STK38L: variants seen among roughly 807,000 people sequenced by gnomAD.
STK38L encodes serine/threonine-protein kinase 38-like.
STK38L carries 28 observed loss-of-function variants against 59.7 expected under a neutral mutation model. The observed-to-expected ratio is 0.47, with a 90% CI of 0.35 to 0.64. STK38L has a LOEUF of 0.64. STK38L is among the 30% of genes least tolerant of loss of function. The pLI, the probability that STK38L is intolerant of heterozygous loss-of-function variation, is 0.01. For synonymous variants in STK38L, 162 were observed against 176.8 expected, an observed-to-expected ratio of 0.92 and a Z score of 0.66; for missense variants, 314 against 555.8, an observed-to-expected ratio of 0.56 and a Z score of 4.37.
chr12:27,259,029 G>C (rs1943148127), intron 1 of STK38L, among the ~76,000 whole-genome samples: 1 of 152,164 alleles, frequency 6.6e-6, no homozygotes, highest in African/African-American at 2.4e-5. Context: ...GCATCACATA[G>C]ATTTGTCTTA....
chr12:27,318,113 A>AGTAT, intron 11 of STK38L, 94 bp downstream of exon 11: 1 of 1,435,740 alleles, frequency 7.0e-7, no homozygotes, highest in Non-Finnish European at 9.6e-7. Context: ...AAGAGGGGAT[A>AGTAT]CCACTGATGT....
intron 1 of STK38L, among the ~76,000 whole-genome samples, chr12:27,287,271 A>C (rs1565537972): frequency 1.3e-5 from 2 of 151,396 alleles, no homozygotes; most frequent in Non-Finnish European, 2.9e-5. Flanking sequence ...TGCCTGGCTA[A>C]TTTTTTTTGT....
At chr12:27,311,972 C>T (rs1280695922) in intron 5 of STK38L, among the ~76,000 whole-genome samples, 26 of 152,022 alleles carry the variant, frequency 1.7e-4, no homozygotes, top group East Asian at 1.9e-4. Flanking sequence ...CTCCGCCTCC[C>T]GGGTTCAAGC....
At position 27,302,145 on chromosome 12, in the gene STK38L, A is replaced by C; in HGVS notation, c.143A>C (p.Lys48Thr). Reference sequence around the variant, plus strand: ...TTTTTTCCTTTGAAAAGGCAGAAGAAATTAGAAGTGGCCATGGAAGAAGAA... The same window carrying C: ...TTTTTTCCTTTGAAAAGGCAGAAGACATTAGAAGTGGCCATGGAAGAAGAA... ...QHEERETRQKKLEVAMEEEGL... is the reference protein window; with the variant it reads ...QHEERETRQKTLEVAMEEEGL... The change falls in exon 3 of 14, where the codon AAA becomes ACA. Residue 48 changes from lysine to threonine, a missense_variant. By Grantham distance (78) the Lys-to-Thr change is moderately conservative. Coordinates refer to ENST00000389032, the MANE Select transcript of STK38L (RefSeq NM_015000.4). The C allele has an allele frequency of 1.2e-6, 2 of 1,606,300 alleles. No individual in the cohort carries two copies. Among genetic ancestry groups the C allele is most frequent in the Non-Finnish European group, 1.7e-6 (2 of 1,176,418 alleles).
At chr12:27,250,727 G>A (rs1183150693) in intron 1 of STK38L, among the ~76,000 whole-genome samples, 5 of 152,106 alleles carry the variant, frequency 3.3e-5, no homozygotes, top group Non-Finnish European at 2.9e-5. Context: ...CAGGCCGGGC[G>A]CGGTGACTCA....
chr12:27,265,739 T>TG (rs1175269868), intron 1 of STK38L, among the ~76,000 whole-genome samples: 1 of 152,240 alleles, frequency 6.6e-6, no homozygotes, highest in Non-Finnish European at 1.5e-5. Context: ...TGGCCATGTA[T>TG]GACCATAAAC....
intron 1 of STK38L, among the ~76,000 whole-genome samples, chr12:27,283,112 A>G (rs4451811): frequency 0.85 from 130,019 of 152,208 alleles, 55,738 homozygotes; most frequent in Non-Finnish European, 0.89. Flanking sequence ...TTCTTAAAAA[A>G]GATGAAGTAG....
At chr12:27,246,399 G>A (rs1015682651) in intron 1 of STK38L, among the ~76,000 whole-genome samples, 5 of 152,156 alleles carry the variant, frequency 3.3e-5, no homozygotes, top group African/African-American at 7.2e-5. Context: ...TTTGCATCTC[G>A]ATGTATTGTT....
intron 5 of STK38L, among the ~76,000 whole-genome samples, chr12:27,310,830 AGCCTAACGTCTAGTT>A (rs1303619822): frequency 6.6e-6 from 1 of 152,180 alleles, no homozygotes; most frequent in Non-Finnish European, 1.5e-5. Context: ...ATCTCTCCGT[AGCCTAACGTCTAGTT>A]GCCTTTGCAT....
intron 1 of STK38L, among the ~76,000 whole-genome samples, chr12:27,290,578 G>A (rs1051273486): frequency 6.6e-6 from 1 of 152,166 alleles, no homozygotes; most frequent in African/African-American, 2.4e-5. Flanking sequence ...AGTCTTTCCA[G>A]CTGACTAACT....
chr12:27,309,302 T>TTA, intron 5 of STK38L, 105 bp downstream of exon 5: 1 of 635,764 alleles, frequency 1.6e-6, no homozygotes, highest in South Asian at 3.6e-5. Context: ...TCTTACTACA[T>TTA]AAGCTATTAA....
At chr12:27,303,227 T>C (rs775879578) in intron 3 of STK38L, among the ~76,000 whole-genome samples, 8 of 151,820 alleles carry the variant, frequency 5.3e-5, no homozygotes, top group Non-Finnish European at 8.8e-5. Context: ...CAAGAATCTT[T>C]AGTAGCTGGG....
chr12:27,286,833 C>G (rs118093978), intron 1 of STK38L, among the ~76,000 whole-genome samples: 1,963 of 152,250 alleles, frequency 0.013, 24 homozygotes, highest in Non-Finnish European at 0.018. Flanking sequence ...CAGACTGGAC[C>G]TCACTAAGGG....
chr12:27,306,764 A>G (rs1481760491), intron 3 of STK38L, among the ~76,000 whole-genome samples: 1 of 92,270 alleles, frequency 1.1e-5, no homozygotes, highest in Non-Finnish European at 2.4e-5. Context: ...TATATTTGAG[A>G]TGGAGTTTCG....
In STK38L at chr12:27,317,981, G is replaced by A. The variant is rs749199944; in HGVS notation, c.1041G>A (p.Glu347=). Residue 347 remains glutamate (E), a synonymous_variant, in exon 11 of 14, where the codon GAG becomes GAA. Coordinates refer to ENST00000389032, the MANE Select transcript of STK38L (RefSeq NM_015000.4). ...AAGAAACTCTGGTATTTCCTCCAGA[G>A]GTACCTATATCTGAGAAAGCCAAGG... ...NWKETLVFPP[E]VPISEKAKDL... 6.2e-7 allele frequency: 1 copy of A among 1,614,000 alleles called. No homozygotes were observed. Among genetic ancestry groups the A allele is most frequent in the South Asian group, 1.1e-5 (1 of 91,072 alleles).
At chr12:27,257,584 T>C (rs922129828) in intron 1 of STK38L, among the ~76,000 whole-genome samples, 1 of 152,244 alleles carries the variant, frequency 6.6e-6, no homozygotes, top group Non-Finnish European at 1.5e-5. Context: ...CTTACAGTGA[T>C]GGCTAAATTC....
At chr12:27,311,028 G>A (rs940679760) in intron 5 of STK38L, among the ~76,000 whole-genome samples, 1 of 152,282 alleles carries the variant, frequency 6.6e-6, no homozygotes, top group East Asian at 1.9e-4. Flanking sequence ...TCTCCTCACT[G>A]TTGTTCTACC....
intron 1 of STK38L, among the ~76,000 whole-genome samples, chr12:27,270,253 G>A (rs1591867684): frequency 6.6e-6 from 1 of 152,148 alleles, no homozygotes; most frequent in East Asian, 1.9e-4. Context: ...CATCACCCAG[G>A]CTGGAGGGCA....
chr12:27,314,730 G>T, intron 7 of STK38L, 72 bp downstream of exon 7: 1 of 1,465,548 alleles, frequency 6.8e-7, no homozygotes. Flanking sequence ...TTTTGTGAAT[G>T]GAAATCAGCA....
Sources: gnomAD v4.1 joint callset for allele counts (sites outside exome capture counted in the v4.1 genomes callset) on GRCh38, gnomAD v4.1.1 for gene constraint, MANE v1.5 for transcripts, NCBI Gene and HGNC (gene_info 2026-07-23, HGNC 2026-07-21) for gene names.